The following TMBIM1 variants were observed in gnomAD, a reference collection of about 807,000 sequenced individuals.
The protein encoded by TMBIM1 is transmembrane BAX inhibitor motif containing 1.
TMBIM1 carries 34 observed loss-of-function variants against 45.1 expected under a neutral mutation model. The observed-to-expected ratio is 0.75, with a 90% CI of 0.57 to 1.00. TMBIM1 has a LOEUF of 1.00. Among genes scored for constraint, TMBIM1 ranks in the 50% least tolerant of loss-of-function variants. TMBIM1 has a pLI of 0.00. For missense variants in TMBIM1, 374 were observed against 402.4 expected (o/e 0.93, Z 0.60); for synonymous variants, 157 against 153.5 (o/e 1.02, Z -0.17).
chr2:218,279,320 T>C lies in TMBIM1; in HGVS notation c.337A>G (p.Thr113Ala), dbSNP rs1487064826. The change falls in exon 4 of 12, where the codon ACT (threonine) becomes GCT (alanine). Residue 113 changes from threonine (T) to alanine (A), a missense_variant. By Grantham distance (58) the Thr-to-Ala change is moderately conservative. Transcript: ENST00000258412. ...YSIISVQLLITVAIIAIFTFV... is the reference protein window; with the variant it reads ...YSIISVQLLIAVAIIAIFTFV... ...GTGAAGATAGCAATGATGGCCACAGTGATGAGCAGCTGCACGGAGATGATG... is the reference window on the plus strand; with the variant it reads ...GTGAAGATAGCAATGATGGCCACAGCGATGAGCAGCTGCACGGAGATGATG... 6.3e-7 allele frequency: 1 copy of C among 1,588,598 alleles called. No individual in the cohort carries two copies. The highest frequency in any genetic ancestry group is 1.4e-5 in the African/African-American group (1 of 73,998).
intron 1 of TMBIM1, among the ~76,000 whole-genome samples, chr2:218,285,240 G>A (rs1173259213): frequency 6.6e-6 from 1 of 152,240 alleles, no homozygotes; most frequent in Non-Finnish European, 1.5e-5. Context: ...CAAATGAAGA[G>A]ATTGAGGCAC....
intron 1 of TMBIM1, among the ~76,000 whole-genome samples, chr2:218,283,660 C>A (rs1049829049): frequency 6.6e-6 from 1 of 152,184 alleles, no homozygotes; most frequent in Non-Finnish European, 1.5e-5. Flanking sequence ...CTTTTTAGGG[C>A]ACATTGCATA....
intron 1 of TMBIM1, among the ~76,000 whole-genome samples, chr2:218,289,578 G>A (rs1206022452): frequency 7.0e-6 from 1 of 142,822 alleles, no homozygotes; most frequent in Non-Finnish European, 1.5e-5. Flanking sequence ...GGAGATGTAG[G>A]TTGCAGTGAG....
rs970748667 is a variant in TMBIM1 at position 218,277,767 on chromosome 2, A to C, written c.514-97T>G. On this transcript the variant is annotated intron_variant, in intron 7 of 11. Transcript: ENST00000258412. ...TGGTGGCCTCTGCCAGAGCTGGGGA[A>C]CGCCACCAAGTTGGAAAGAGGCAGC... 5.7e-6 allele frequency: 9 copies of C among 1,574,468 alleles called. No homozygotes were observed. The East Asian group carries it at 1.6e-4, about 27-fold the overall frequency.
In TMBIM1 at chr2:218,282,068, C is replaced by G; in HGVS notation, c.74G>C (p.Gly25Ala). Residue 25 changes from glycine (G) to alanine (A), a missense_variant, in exon 2 of 12, where the codon GGC (glycine) becomes GCC (alanine). By Grantham distance (60) the Gly-to-Ala change is moderately conservative. Coordinates refer to ENST00000258412, the MANE Select transcript of TMBIM1 (RefSeq NM_022152.6). The stretch of plus-strand genomic sequence containing the variant: ...TGGCAGGACAGATGGCTGCCCATAG[C>G]CCCCAGGGGGCGGAGGGCCTGGGTA... Reference protein sequence around the residue: ...PLYPGPPPPGGYGQPSVLPGG... With the variant: ...PLYPGPPPPGAYGQPSVLPGG... 1 of 1,595,648 alleles carries G rather than the reference C, an allele frequency of 6.3e-7. No individual in the cohort carries two copies. The highest frequency in any genetic ancestry group is 8.5e-7 in the Non-Finnish European group (1 of 1,172,332).
chr2:218,281,711 T>C (rs1222824011), intron 2 of TMBIM1, among the ~76,000 whole-genome samples: 1 of 152,174 alleles, frequency 6.6e-6, no homozygotes, highest in Non-Finnish European at 1.5e-5. Flanking sequence ...TTCTGGGACA[T>C]GCCTCATGGA....
At chr2:218,284,983 G>A (rs958746973) in intron 1 of TMBIM1, among the ~76,000 whole-genome samples, 13 of 152,146 alleles carry the variant, frequency 8.5e-5, no homozygotes, top group Non-Finnish European at 1.2e-4. Context: ...CCAGTTACTC[G>A]GGAGGCTGAG....
At chr2:218,277,136 C>T in intron 9 of TMBIM1, 37 bp from the exon 10 acceptor site, 1 of 1,573,882 alleles carries the variant, frequency 6.4e-7, no homozygotes, top group Non-Finnish European at 8.7e-7. Flanking sequence ...TGTCAGATGG[C>T]TGTGACAACC....
At chr2:218,285,435 C>T (rs1440134802) in intron 1 of TMBIM1, among the ~76,000 whole-genome samples, 1 of 151,940 alleles carries the variant, frequency 6.6e-6, no homozygotes, top group African/African-American at 2.4e-5. Flanking sequence ...TTAGCCTCAA[C>T]AGGAGGCTGA....
intron 10 of TMBIM1, among the ~76,000 whole-genome samples, chr2:218,276,285 G>T (rs187629393): frequency 6.6e-6 from 1 of 152,182 alleles, no homozygotes; most frequent in Non-Finnish European, 1.5e-5. Flanking sequence ...TCCTGCAATG[G>T]CTGTATAAAA....
chr2:218,282,096 G>C lies in TMBIM1; in HGVS notation c.46C>G (p.Leu16Val). 2 of 1,563,232 alleles carry C rather than the reference G, an allele frequency of 1.3e-6. No individual in the cohort carries two copies. The highest frequency in any genetic ancestry group is 1.7e-6 in the Non-Finnish European group (2 of 1,155,628). ...CCAGGGGGCGGAGGGCCTGGGTACA[G>C]GGGGTTGCGGTCTTCATATGGTGGT... is the stretch of plus-strand genomic sequence containing the variant. Reference protein sequence around the residue: ...APPPYEDRNPLYPGPPPPGGY... With the variant: ...APPPYEDRNPVYPGPPPPGGY... The change falls in exon 2 of 12, where the codon CTG becomes GTG. Residue 16 changes from leucine (L) to valine (V), a missense_variant. By Grantham distance (32) the Leu-to-Val change is conservative. Coordinates refer to ENST00000258412, the MANE Select transcript of TMBIM1 (RefSeq NM_022152.6).
Position 218,274,889 on chromosome 2 carries a change from T to C in TMBIM1, c.*586A>G, listed in dbSNP as rs1416822714. ...ATCCCTAACCCAGATAAACAATACA[T>C]ATGTCACTGAAACAAGAAGGGATTG... On this transcript the variant is annotated 3_prime_UTR_variant, in exon 12 of 12. Coordinates refer to ENST00000258412, the MANE Select transcript of TMBIM1 (RefSeq NM_022152.6). 1 of 153,230 alleles carries C rather than the reference T, an allele frequency of 6.5e-6. No individual in the cohort carries two copies. Among genetic ancestry groups the C allele is most frequent in the Admixed American group, 6.5e-5 (1 of 15,294 alleles). 9.5% of individuals were successfully genotyped at this position (153,230 alleles called of 1,614,324 possible).
At chr2:218,290,586 A>G (rs2106240918) in intron 1 of TMBIM1, among the ~76,000 whole-genome samples, 1 of 152,316 alleles carries the variant, frequency 6.6e-6, no homozygotes, top group South Asian at 2.1e-4. Context: ...TTTACTGCCA[A>G]GGGCCGGGGG....
intron 3 of TMBIM1, among the ~76,000 whole-genome samples, chr2:218,279,743 A>G (rs1691674770): frequency 6.6e-6 from 1 of 152,212 alleles, no homozygotes; most frequent in South Asian, 2.1e-4. Context: ...AAAGGGAGAA[A>G]GATGTCTGGG....
chr2:218,279,338 AGAT>A lies in TMBIM1; in HGVS notation c.316_318del (p.Ile106del), dbSNP rs1691611941. ...GCCACAGTGATGAGCAGCTGCACGG[AGAT>A]GATGGAGTAAACCTGGACACAGACG... On this transcript the variant is annotated inframe_deletion, in exon 4 of 12. Coordinates refer to ENST00000258412, the MANE Select transcript of TMBIM1 (RefSeq NM_022152.6). 1 of 1,585,310 alleles carries A rather than the reference AGAT, an allele frequency of 6.3e-7. No homozygotes were observed. The highest frequency in any genetic ancestry group is 8.6e-7 in the Non-Finnish European group (1 of 1,165,964).
Position 218,275,625 on chromosome 2 carries a change from C to G in TMBIM1, c.790-4G>C. The G allele has an allele frequency of 6.2e-7, 1 of 1,608,402 alleles. No individual in the cohort carries two copies. The highest frequency in any genetic ancestry group is 1.1e-5 in the South Asian group (1 of 90,324). ...GCTGTGTGTCGTAAGCCAGGAACTG[C>G]AAGGATAGGGAAGCCAGAAGTGAGA... is the stretch of plus-strand genomic sequence containing the variant. On this transcript the variant is annotated splice_region_variant and splice_polypyrimidine_tract_variant and intron_variant, in intron 11 of 11. Coordinates refer to ENST00000258412, the MANE Select transcript of TMBIM1 (RefSeq NM_022152.6).
At chr2:218,277,601 TC>T in intron 8 of TMBIM1, 31 bp downstream of exon 8, 1 of 1,614,074 alleles carries the variant, frequency 6.2e-7, no homozygotes, top group Non-Finnish European at 8.5e-7. Context: ...AATACACATT[TC>T]CCAAGAGTGG....
chr2:218,291,158 A>G (rs1692902653), intron 1 of TMBIM1, among the ~76,000 whole-genome samples: 1 of 152,140 alleles, frequency 6.6e-6, no homozygotes, highest in Non-Finnish European at 1.5e-5. Context: ...CAACACTTAC[A>G]GGATAACCCA....
chr2:218,280,100 C>T lies in TMBIM1; in HGVS notation c.229G>A (p.Glu77Lys), dbSNP rs1184720146. 3 of 1,614,146 alleles carry T rather than the reference C, an allele frequency of 1.9e-6. No individual in the cohort carries two copies. Among genetic ancestry groups the T allele is most frequent in the Non-Finnish European group, 2.5e-6 (3 of 1,179,962 alleles). Residue 77 changes from glutamate (E) to lysine (K), a missense_variant, in exon 3 of 12, where the codon GAG becomes AAG. Transcript: ENST00000258412. ...CCGAAGCTATCACTCACTGCTCTCT[C>T]CTCCCCATCATAGCCATGGCCTGGG... ...YGPGHGYDGEERAVSDSFGPG... is the reference protein window; with the variant it reads ...YGPGHGYDGEKRAVSDSFGPG...
Sources: allele counts gnomAD v4.1 joint callset (sites outside exome capture counted in the v4.1 genomes callset), GRCh38; gene constraint gnomAD v4.1.1; transcripts MANE v1.5; gene names NCBI Gene and HGNC (gene_info 2026-07-23, HGNC 2026-07-21).